The following SLC5A4 variants were observed in gnomAD, a reference collection of about 807,000 sequenced individuals.
The protein encoded by SLC5A4 is probable glucose sensor protein SLC5A4.
In SLC5A4, 55 loss-of-function variants were observed where a neutral mutation model predicts 70.3. The ratio of observed to expected loss-of-function variants is 0.78; its 90% CI spans 0.63 to 0.98. SLC5A4 has a LOEUF of 0.98. Ranked by LOEUF, SLC5A4 falls within the 50% of genes least tolerant of loss-of-function variation. The pLI is 0.00. For missense variants in SLC5A4, 735 were observed against 839.2 expected (o/e 0.88, Z 1.53); for synonymous variants, 268 against 305.7 (o/e 0.88, Z 1.29).
the SLC5A4 span, among the ~76,000 whole-genome samples, chr22:32,336,465 C>T: frequency 0.089 from 13,523 of 152,240 alleles, 1,099 homozygotes; most frequent in African/African-American, 0.22. Flanking sequence ...GGTGGAGCCA[C>T]GCGGGTCTCT....
At chr22:32,318,088 C>G in the SLC5A4 span, among the ~76,000 whole-genome samples, 1 of 152,130 alleles carries the variant, frequency 6.6e-6, no homozygotes, top group Non-Finnish European at 1.5e-5. Flanking sequence ...ACACTGCACT[C>G]CCCTCTCCTG....
chr22:32,232,119 G>A (rs927733100), intron 9 of SLC5A4, among the ~76,000 whole-genome samples: 29 of 152,086 alleles, frequency 1.9e-4, no homozygotes, highest in Middle Eastern at 3.2e-3. Context: ...GGCCTCAAGC[G>A]ATTCTCCTGC....
Position 32,224,447 on chromosome 22 carries a change from C to T in SLC5A4, c.1485G>A (p.Met495Ile). The change falls in exon 13 of 15, where the codon ATG (methionine) becomes ATA (isoleucine). Residue 495 changes from methionine to isoleucine, a missense_variant. Physicochemically the swap from Met to Ile is conservative, Grantham distance 10. Transcript: ENST00000266086. ...AFWGLMVGLA[M>I]GLIRMITEFA... is the part of the protein sequence containing the mutation. ...ACTCTGTTATCATACGAATGAGGCCCATTGCAAGTCCAACCATTAGACCCC... is the reference window on the plus strand; with the variant it reads ...ACTCTGTTATCATACGAATGAGGCCTATTGCAAGTCCAACCATTAGACCCC... The T allele has an allele frequency of 6.2e-7, 1 of 1,614,078 alleles. No individual in the cohort carries two copies. Among genetic ancestry groups the T allele is most frequent in the Middle Eastern group, 1.6e-4 (1 of 6,062 alleles).
At chr22:32,218,763 G>T in intron 14 of SLC5A4, 38 bp from the exon 15 acceptor site, 1 of 1,485,990 alleles carries the variant, frequency 6.7e-7, no homozygotes, top group South Asian at 1.1e-5. Flanking sequence ...AGAAGATCTA[G>T]ATCACAAAGG....
chr22:32,290,911 TG>T, the SLC5A4 span, among the ~76,000 whole-genome samples: 1 of 152,208 alleles, frequency 6.6e-6, no homozygotes, highest in East Asian at 1.9e-4. Context: ...ACTATCACAT[TG>T]GGTCTTAGGT....
At chr22:32,245,954 C>T (rs1304062539) in intron 5 of SLC5A4, among the ~76,000 whole-genome samples, 1 of 152,228 alleles carries the variant, frequency 6.6e-6, no homozygotes, top group African/African-American at 2.4e-5. Context: ...CTTCCCTCTG[C>T]CTCGCCTAAC....
At chr22:32,238,675 C>T (rs1022591032) in intron 6 of SLC5A4, among the ~76,000 whole-genome samples, 1 of 152,156 alleles carries the variant, frequency 6.6e-6, no homozygotes, top group Non-Finnish European at 1.5e-5. Flanking sequence ...TCCTCCCAAC[C>T]GTCTGTGTGG....
At chr22:32,309,996 C>A in the SLC5A4 span, among the ~76,000 whole-genome samples, 1 of 148,304 alleles carries the variant, frequency 6.7e-6, no homozygotes, top group Non-Finnish European at 1.5e-5. Flanking sequence ...AGCAGCAGGA[C>A]CACAAACCCC....
chr22:32,289,267 T>C, the SLC5A4 span, among the ~76,000 whole-genome samples: 1 of 152,212 alleles, frequency 6.6e-6, no homozygotes, highest in Non-Finnish European at 1.5e-5. Flanking sequence ...TAATTATATT[T>C]ATTGTTTTCT....
At chr22:32,294,824 CCCA>C in the SLC5A4 span, among the ~76,000 whole-genome samples, 1 of 96,132 alleles carries the variant, frequency 1.0e-5, no homozygotes, top group African/African-American at 3.9e-5. Context: ...CTCCCCCAAC[CCCA>C]CAACAGTCCC....
the SLC5A4 span, among the ~76,000 whole-genome samples, chr22:32,330,985 TGG>T: frequency 7.0e-5 from 1 of 14,278 alleles, no homozygotes; most frequent in Admixed American, 9.9e-4. Flanking sequence ...GTGTGTGTGT[TGG>T]GGGCTCTGGT....
the SLC5A4 span, among the ~76,000 whole-genome samples, chr22:32,316,408 G>A: frequency 1.3e-5 from 2 of 152,146 alleles, no homozygotes; most frequent in African/African-American, 2.4e-5. Flanking sequence ...GGTGAAGGAT[G>A]AGAGTCACCA....
the SLC5A4 span, among the ~76,000 whole-genome samples, chr22:32,312,948 C>G: frequency 6.6e-6 from 1 of 152,182 alleles, no homozygotes; most frequent in Non-Finnish European, 1.5e-5. Flanking sequence ...GTTTTGTCTT[C>G]TGAACGTTGT....
At chr22:32,344,118 G>A in the SLC5A4 span, among the ~76,000 whole-genome samples, 4 of 152,184 alleles carry the variant, frequency 2.6e-5, no homozygotes, top group African/African-American at 9.7e-5. Context: ...AACAGGATGA[G>A]AAGGCTAGTT....
At chr22:32,311,673 T>TC in the SLC5A4 span, among the ~76,000 whole-genome samples, 68 of 152,212 alleles carry the variant, frequency 4.5e-4, 1 homozygote, top group South Asian at 0.014. Flanking sequence ...GATGGGAGGC[T>TC]CCCCAGGGGC....
the SLC5A4 span, chr22:32,272,383 C>T: frequency 8.6e-4 from 777 of 901,888 alleles, 1 homozygote; most frequent in African/African-American, 1.1e-3. Flanking sequence ...GTGAAGCCTG[C>T]GGGCCAGCGA....
the SLC5A4 span, among the ~76,000 whole-genome samples, chr22:32,319,499 G>A: frequency 6.6e-6 from 1 of 152,152 alleles, no homozygotes; most frequent in Non-Finnish European, 1.5e-5. Context: ...CACATCATCG[G>A]CTCTTTTGGG....
At chr22:32,270,712 T>G in the SLC5A4 span, 1 of 660,078 alleles carries the variant, frequency 1.5e-6, no homozygotes, top group Admixed American at 2.0e-5. Context: ...TCAGTTGTAC[T>G]TCATCCCTGT....
At chr22:32,304,523 C>T in the SLC5A4 span, among the ~76,000 whole-genome samples, 1 of 152,194 alleles carries the variant, frequency 6.6e-6, no homozygotes, top group Non-Finnish European at 1.5e-5. Context: ...AAGTGACCTT[C>T]CCGCCTCAGC....
Sources: allele counts gnomAD v4.1 joint callset (sites outside exome capture counted in the v4.1 genomes callset), GRCh38; gene constraint gnomAD v4.1.1; transcripts MANE v1.5; gene names NCBI Gene and HGNC (gene_info 2026-07-23, HGNC 2026-07-21).